Variants in LCOR observed in about 807,000 individuals in gnomAD.
LCOR encodes ligand dependent nuclear receptor corepressor.
LCOR carries 14 observed loss-of-function variants against 64.4 expected under a neutral mutation model. That is an observed-to-expected ratio of 0.22 (90% CI 0.14 to 0.34). The LOEUF is 0.34. Ranked by LOEUF, LCOR falls within the 10% of genes least tolerant of loss-of-function variation. The pLI is 1.00. For missense variants in LCOR, 1,686 were observed against 1,765.3 expected (o/e 0.96, Z 0.80); for synonymous variants, 643 against 642.5 (o/e 1.00, Z -0.01).
intron 2 of LCOR, among the ~76,000 whole-genome samples, chr10:96,900,867 T>C (rs1846622400): frequency 1.6e-5 from 2 of 122,136 alleles, no homozygotes; most frequent in South Asian, 4.6e-4. Flanking sequence ...CTTCGTAGGC[T>C]TTTTTTTTTT....
chr10:96,926,876 T>C (rs907674824), intron 4 of LCOR, among the ~76,000 whole-genome samples: 7 of 152,206 alleles, frequency 4.6e-5, no homozygotes, highest in African/African-American at 1.7e-4. Context: ...TTGTTCCTTT[T>C]TATTGCTGAG....
chr10:96,892,414 A>T (rs969853151), intron 2 of LCOR, among the ~76,000 whole-genome samples: 18 of 152,102 alleles, frequency 1.2e-4, no homozygotes, highest in Non-Finnish European at 2.6e-4. Context: ...TATAAAAAAA[A>T]TTATTTCTCA....
intron 4 of LCOR, among the ~76,000 whole-genome samples, chr10:96,923,453 A>C (rs1250297869): frequency 6.6e-6 from 1 of 152,162 alleles, no homozygotes; most frequent in Non-Finnish European, 1.5e-5. Flanking sequence ...AGGCCATCCT[A>C]CCCTTTCCTA....
intron 2 of LCOR, among the ~76,000 whole-genome samples, chr10:96,861,065 G>T (rs985751329): frequency 6.6e-6 from 1 of 151,964 alleles, no homozygotes; most frequent in African/African-American, 2.4e-5. Flanking sequence ...TTTAAGGTTG[G>T]CTGGACTTTG....
intron 2 of LCOR, among the ~76,000 whole-genome samples, chr10:96,849,061 CTTTTTTTTTTTTTTTTTT>C (rs67974828): frequency 3.0e-5 from 1 of 33,836 alleles, no homozygotes; most frequent in African/African-American, 9.4e-5. Context: ...GGCTAATTGT[CTTTTTTTTTTTTTTTTTT>C]TTTTTTTTTT....
chr10:96,957,159 G>A (rs1036932159), intron 7 of LCOR: 40 of 984,410 alleles, frequency 4.1e-5, no homozygotes, highest in Non-Finnish European at 4.6e-5. Flanking sequence ...GGAGGGAGAG[G>A]TGTTGGGTTT....
rs994297708 is a variant in LCOR, at chr10:96,989,902, T to C, written c.*4768T>C. The C allele has an allele frequency of 6.6e-6, 1 of 151,416 alleles. No individual in the cohort carries two copies. The highest frequency in any genetic ancestry group is 1.5e-5 in the Non-Finnish European group (1 of 67,896). The allele number at this position is 151,416 out of a possible 1,614,324, so 9.4% of individuals were successfully genotyped here. A position where few individuals can be genotyped will look rare whatever the true frequency, so the allele number is the denominator to read the frequency against. ...CAATGTCCTGTCAGTGAAAAATTTT[T>C]GTCAGTGGCCCCAAATCACTGATCG... On this transcript the variant is annotated 3_prime_UTR_variant, in exon 8 of 8. Coordinates refer to ENST00000421806, the MANE Select transcript of LCOR (RefSeq NM_001346516.2).
chr10:96,919,980 C>A (rs1199040529), intron 4 of LCOR, among the ~76,000 whole-genome samples: 1 of 152,192 alleles, frequency 6.6e-6, no homozygotes, highest in African/African-American at 2.4e-5. Context: ...TCTTTGAGAT[C>A]CTGCTTTCAG....
At chr10:96,848,741 T>G (rs1845673597) in intron 2 of LCOR, among the ~76,000 whole-genome samples, 1 of 152,128 alleles carries the variant, frequency 6.6e-6, no homozygotes, top group African/African-American at 2.4e-5. Flanking sequence ...ATCTTCAGAT[T>G]ATTGCATCTG....
intron 2 of LCOR, among the ~76,000 whole-genome samples, chr10:96,867,918 C>G (rs996797116): frequency 4.6e-5 from 7 of 151,898 alleles, no homozygotes; most frequent in African/African-American, 1.5e-4. Context: ...GAGTCTCTCT[C>G]TTGTTGCTCA....
At chr10:96,964,009 T>C (rs920964414) in intron 7 of LCOR, 2 of 152,254 alleles carry the variant, frequency 1.3e-5, no homozygotes, top group African/African-American at 4.8e-5. Context: ...ATTTCTCTTG[T>C]ACTGTAGTTT....
At chr10:96,926,729 GA>G (rs1441714680) in intron 4 of LCOR, among the ~76,000 whole-genome samples, 1 of 149,020 alleles carries the variant, frequency 6.7e-6, no homozygotes, top group African/African-American at 2.6e-5. Flanking sequence ...CAGACTCCCA[GA>G]CCTGCACAAT....
At chr10:96,874,410 G>A (rs1013099822) in intron 2 of LCOR, among the ~76,000 whole-genome samples, 4 of 152,012 alleles carry the variant, frequency 2.6e-5, no homozygotes, top group Non-Finnish European at 5.9e-5. Context: ...CTCTAACATG[G>A]CTTTCCATGC....
intron 2 of LCOR, among the ~76,000 whole-genome samples, chr10:96,874,926 G>A (rs951548230): frequency 1.2e-4 from 18 of 151,984 alleles, no homozygotes; most frequent in South Asian, 6.2e-4. Flanking sequence ...GTGAGCCACC[G>A]CACCCGGCCT....
intron 1 of LCOR, 49 bp from the exon 2 acceptor site, chr10:96,833,357 C>G (rs1409066581): frequency 1.0e-6 from 1 of 977,610 alleles, no homozygotes; most frequent in Non-Finnish European, 1.2e-6. Context: ...GCCGGGCGGC[C>G]GAGCTGCGCC....
intron 4 of LCOR, among the ~76,000 whole-genome samples, chr10:96,920,726 G>T: frequency 1.1e-5 from 1 of 94,168 alleles, no homozygotes; most frequent in Non-Finnish European, 1.9e-5. Flanking sequence ...ATGTATATAT[G>T]TTCATATATA....
At chr10:96,965,528 G>A (rs1847939949) in intron 7 of LCOR, among the ~76,000 whole-genome samples, 1 of 150,870 alleles carries the variant, frequency 6.6e-6, no homozygotes, top group African/African-American at 2.4e-5. Flanking sequence ...CGGGCGTGGT[G>A]GCGGGCGCCT....
intron 2 of LCOR, among the ~76,000 whole-genome samples, chr10:96,849,858 C>CTTTT (rs964263701): frequency 2.4e-4 from 28 of 115,666 alleles, no homozygotes; most frequent in African/African-American, 5.4e-4. Flanking sequence ...GTGTCACTCA[C>CTTTT]TTTTTTTTTT....
intron 2 of LCOR, among the ~76,000 whole-genome samples, chr10:96,869,030 A>G (rs916257730): frequency 1.3e-5 from 2 of 151,908 alleles, no homozygotes; most frequent in African/African-American, 2.4e-5. Context: ...CTCAGCCTCC[A>G]GAGTAGCTGG....
Sources: allele counts gnomAD v4.1 joint callset (sites outside exome capture counted in the v4.1 genomes callset), GRCh38; gene constraint gnomAD v4.1.1; transcripts MANE v1.5; gene names NCBI Gene and HGNC (gene_info 2026-07-23, HGNC 2026-07-21).